Variants in GPM6B observed in about 807,000 individuals in gnomAD.
GPM6B encodes glycoprotein M6B.
In GPM6B, 4 loss-of-function variants were observed where a neutral mutation model predicts 27.2. The ratio of observed to expected loss-of-function variants is 0.15; its 90% CI spans 0.07 to 0.34. GPM6B has a LOEUF of 0.34. Ranked by LOEUF, GPM6B falls within the 10% of genes least tolerant of loss-of-function variation. The pLI, the probability that GPM6B is intolerant of heterozygous loss-of-function variation, is 1.00. For synonymous variants in GPM6B, 124 were observed against 103.1 expected (o/e 1.20, Z -1.23); for missense variants, 183 against 261.9 (o/e 0.70, Z 2.08).
intron 1 of GPM6B, among the ~76,000 whole-genome samples, chrX:13,825,979 GAA>G (rs1320691968): frequency 1.8e-5 from 2 of 111,517 alleles, no homozygotes; most frequent in African/African-American, 6.5e-5. Context: ...GAGGGAAAAG[GAA>G]AAGTCATCCA....
intron 5 of GPM6B, among the ~76,000 whole-genome samples, 173 bp downstream of exon 5, chrX:13,779,645 G>A (rs139721906): frequency 0.034 from 3,843 of 111,423 alleles, 82 homozygotes; most frequent in Non-Finnish European, 0.051. Context: ...AAGCCTCCCT[G>A]AAGTTTCCAC....
intron 1 of GPM6B, among the ~76,000 whole-genome samples, chrX:13,925,120 C>T (rs1052449029): frequency 3.6e-5 from 4 of 111,510 alleles, no homozygotes; most frequent in Non-Finnish European, 7.5e-5. Flanking sequence ...GCATCCCATA[C>T]GTTTGCTACT....
intron 1 of GPM6B, among the ~76,000 whole-genome samples, chrX:13,864,493 C>T (rs1369867288): frequency 8.9e-6 from 1 of 112,849 alleles, no homozygotes; most frequent in Non-Finnish European, 1.9e-5. Flanking sequence ...ACGTGGGGCA[C>T]AGCAAAGGGA....
chrX:13,923,520 A>G (rs946424105), intron 1 of GPM6B, among the ~76,000 whole-genome samples: 2 of 112,708 alleles, frequency 1.8e-5, no homozygotes, highest in African/African-American at 6.4e-5. Context: ...CTCTTGCTAC[A>G]GCCCAAGTGC....
chrX:13,905,751 C>T (rs1351370868), intron 1 of GPM6B, among the ~76,000 whole-genome samples: 2 of 111,473 alleles, frequency 1.8e-5, no homozygotes, highest in Non-Finnish European at 3.8e-5. Flanking sequence ...GCCTGCCTTC[C>T]CAGTTTCCTA....
chrX:13,797,402 G>A (rs188076970), intron 2 of GPM6B, among the ~76,000 whole-genome samples: 60 of 111,828 alleles, frequency 5.4e-4, no homozygotes, highest in African/African-American at 1.5e-3. Flanking sequence ...GAGGTGAAGA[G>A]GCCTTGAAGA....
In GPM6B at chrX:13,799,006, T is replaced by A. The variant is rs191608515; in HGVS notation, c.181+8644A>T. 2.7e-5 allele frequency among the ~76,000 whole-genome samples: 3 copies of A among 111,184 alleles called. No individual in the cohort carries two copies. In the East Asian group the frequency reaches 8.5e-4, roughly 31 times the overall value. On this transcript the variant is annotated intron_variant, in intron 2 of 7. Transcript: ENST00000316715. The stretch of plus-strand genomic sequence containing the variant: ...GCTTTCAAGAACGCTGATGCCTGGG[T>A]CCCACCCTCAAGATTCTGAATGACT...
chrX:13,880,176 G>A (rs2050080084), intron 1 of GPM6B, among the ~76,000 whole-genome samples: 1 of 111,632 alleles, frequency 9.0e-6, no homozygotes, highest in African/African-American at 3.3e-5. Context: ...CCACGTTAGC[G>A]TAAAGGTCTC....
At chrX:13,850,078 G>A (rs906768801) in intron 1 of GPM6B, among the ~76,000 whole-genome samples, 1 of 111,478 alleles carries the variant, frequency 9.0e-6, no homozygotes, top group Non-Finnish European at 1.9e-5. Flanking sequence ...TAAAATATAG[G>A]AACACTACTA....
At chrX:13,796,067 C>G (rs367733070) in intron 2 of GPM6B, among the ~76,000 whole-genome samples, 1 of 111,787 alleles carries the variant, frequency 8.9e-6, no homozygotes, top group African/African-American at 3.2e-5. Flanking sequence ...GCTGGCATTA[C>G]AGGCACGCAC....
At chrX:13,896,533 G>A (rs2050234214) in intron 1 of GPM6B, among the ~76,000 whole-genome samples, 1 of 111,142 alleles carries the variant, frequency 9.0e-6, no homozygotes, top group Non-Finnish European at 1.9e-5. Flanking sequence ...TGCTAGTTTT[G>A]TAGGTAAAAC....
intron 2 of GPM6B, among the ~76,000 whole-genome samples, chrX:13,801,286 T>C (rs1188343070): frequency 9.0e-6 from 1 of 111,546 alleles, no homozygotes; most frequent in Non-Finnish European, 1.9e-5. Flanking sequence ...GGCTGAGCCT[T>C]AGTTGACAGC....
intron 1 of GPM6B, among the ~76,000 whole-genome samples, chrX:13,869,554 T>TAATC (rs60781047): frequency 0.025 from 2,751 of 111,427 alleles, 79 homozygotes; most frequent in African/African-American, 0.085. Flanking sequence ...CATCAACTTG[T>TAATC]AATCTATGAT....
chrX:13,808,776 A>G (rs1333063848), intron 1 of GPM6B, among the ~76,000 whole-genome samples: 4 of 111,951 alleles, frequency 3.6e-5, no homozygotes, highest in Non-Finnish European at 7.5e-5. Flanking sequence ...AACCTACTAA[A>G]GCCACAGTGT....
At chrX:13,778,289 C>CCA (rs1281567616) in intron 5 of GPM6B, among the ~76,000 whole-genome samples, 1 of 111,618 alleles carries the variant, frequency 9.0e-6, no homozygotes, top group East Asian at 2.8e-4. Context: ...ACCTCGTGAT[C>CCA]CACCCGCCTC....
intron 1 of GPM6B, among the ~76,000 whole-genome samples, chrX:13,890,157 T>G (rs971412637): frequency 9.0e-6 from 1 of 111,197 alleles, no homozygotes; most frequent in African/African-American, 3.3e-5. Flanking sequence ...ATAAAACAGG[T>G]TGCAGTAAAG....
intron 2 of GPM6B, among the ~76,000 whole-genome samples, chrX:13,804,426 C>CGG (rs1246725890): frequency 1.6e-3 from 6 of 3,716 alleles, no homozygotes; most frequent in African/African-American, 2.6e-3. Flanking sequence ...GCGGGGGGGG[C>CGG]GGGGGGCGGG....
chrX:13,793,789 G>GT (rs1339320285), intron 2 of GPM6B, among the ~76,000 whole-genome samples: 3 of 110,591 alleles, frequency 2.7e-5, no homozygotes, highest in African/African-American at 9.9e-5. Flanking sequence ...GTTGGGGTTT[G>GT]TTTTTTTGAA....
chrX:13,899,403 C>T (rs1438042272), intron 1 of GPM6B, among the ~76,000 whole-genome samples: 1 of 34,184 alleles, frequency 2.9e-5, no homozygotes. Context: ...GAGACTCTGT[C>T]TCAAAAAAAA....
Sources: allele counts gnomAD v4.1 joint callset (sites outside exome capture counted in the v4.1 genomes callset), GRCh38; gene constraint gnomAD v4.1.1; transcripts MANE v1.5; gene names NCBI Gene and HGNC (gene_info 2026-07-23, HGNC 2026-07-21).